Variants in RABGAP1L observed in about 807,000 individuals in gnomAD.
The protein encoded by RABGAP1L is rab GTPase-activating protein 1-like.
Under a neutral mutation model 137.7 loss-of-function variants are expected in RABGAP1L, and 63 were observed. The ratio of observed to expected loss-of-function variants is 0.46; its 90% CI spans 0.37 to 0.56. The LOEUF is 0.56. Ranked by LOEUF, RABGAP1L falls within the 20% of genes least tolerant of loss-of-function variation. RABGAP1L has a pLI of 0.00. For synonymous variants in RABGAP1L, 431 were observed against 433.7 expected (o/e 0.99, Z 0.08); for missense variants, 1,095 against 1,244.0 (o/e 0.88, Z 1.80).
Position 174,448,255 on chromosome 1 carries a change from G to A in RABGAP1L, c.1710+54110G>A. 6.2e-7 allele frequency: 1 copy of A among 1,614,032 alleles called. No individual in the cohort carries two copies. Among genetic ancestry groups the A allele is most frequent in the Non-Finnish European group, 8.5e-7 (1 of 1,179,926 alleles). ...GCATCTTCGAGACAGTGGTTATTGT[G>A]TTGCTGACATTTCTGATCATTGCTG... On this transcript the variant is annotated intron_variant, in intron 13 of 25. Transcript: ENST00000681986. The surrounding 1 kb of genome is among the most constrained non-coding windows in gnomAD (Gnocchi z 4.2).
Position 174,195,675 on chromosome 1 carries a change from T to C in RABGAP1L, c.-33-23450T>C, listed in dbSNP as rs1468540596. ...TTCCTTTCCTTTCCTTTCCTTTCCTTCTTTCCTTCTTTCCTTCTTTCCTTC... is the reference window on the plus strand; with the variant it reads ...TTCCTTTCCTTTCCTTTCCTTTCCTCCTTTCCTTCTTTCCTTCTTTCCTTC... On this transcript the variant is annotated intron_variant, in intron 1 of 25. Transcript: ENST00000681986. Among the ~76,000 whole-genome samples, 3 of 77,286 alleles carry C rather than the reference T, an allele frequency of 3.9e-5. No individual in the cohort carries two copies. In the East Asian group the frequency reaches 1.3e-3, roughly 34 times the overall value. The allele number at this position is 77,286 out of a possible 152,430, so 50.7% of individuals were successfully genotyped here. A position where few individuals can be genotyped will look rare whatever the true frequency, so the allele number is the denominator to read the frequency against.
intron 13 of RABGAP1L, among the ~76,000 whole-genome samples, chr1:174,622,857 A>T (rs961964632): frequency 3.3e-5 from 5 of 152,200 alleles, no homozygotes; most frequent in Admixed American, 6.5e-5. Flanking sequence ...AGTATATTTT[A>T]AAAAATACCG....
At chr1:174,350,949 G>A (rs1185351389) in intron 11 of RABGAP1L, among the ~76,000 whole-genome samples, 5 of 109,482 alleles carry the variant, frequency 4.6e-5, no homozygotes, top group African/African-American at 6.8e-5. Context: ...GCGTGGCGGC[G>A]CGTGCCTGCA....
chr1:174,838,185 T>C (rs1447230806), intron 19 of RABGAP1L, among the ~76,000 whole-genome samples: 4 of 152,238 alleles, frequency 2.6e-5, no homozygotes, highest in South Asian at 2.1e-4. Context: ...TGAGCATATC[T>C]GTTTCACAAG....
chr1:174,786,455 C>CA (rs1687453991), intron 18 of RABGAP1L, among the ~76,000 whole-genome samples: 1 of 152,088 alleles, frequency 6.6e-6, no homozygotes, highest in South Asian at 2.1e-4. Flanking sequence ...CAGTAAAATC[C>CA]AAACGGAAGC....
chr1:174,550,906 A>AC (rs1491481717), intron 13 of RABGAP1L, among the ~76,000 whole-genome samples: 9 of 47,390 alleles, frequency 1.9e-4, no homozygotes, highest in African/African-American at 1.2e-3. Context: ...ACACACACAC[A>AC]TATACACACA....
intron 13 of RABGAP1L, among the ~76,000 whole-genome samples, chr1:174,534,802 A>AAAAAAAAAAAATAATAAT: frequency 7.3e-6 from 1 of 137,312 alleles, no homozygotes; most frequent in Non-Finnish European, 1.6e-5. Flanking sequence ...AAAAAAAAAA[A>AAAAAAAAAAAATAATAAT]AATAATTAGA....
At position 174,550,857 on chromosome 1, in the gene RABGAP1L, A is replaced by AATATATATATAT. The variant is rs1216100934; in HGVS notation, c.1711-86490_1711-86479dup. Among the ~76,000 whole-genome samples, 387 of 61,750 alleles carry AATATATATATAT rather than the reference A, an allele frequency of 6.3e-3. 5 individuals carry two copies. Among genetic ancestry groups the AATATATATATAT allele is most frequent in the Non-Finnish European group, 8.3e-3 (306 of 36,990 alleles). The allele number at this position is 61,750 out of a possible 152,430, so 40.5% of individuals were successfully genotyped here. ...ACACGGTGAAACCCCGTCTCTGCTA[A>AATATATATATAT]ATATATATATATATATATATATATA... On this transcript the variant is annotated intron_variant, in intron 13 of 25. Transcript: ENST00000681986.
At chr1:174,743,691 TA>T (rs1275253397) in intron 17 of RABGAP1L, among the ~76,000 whole-genome samples, 2 of 151,900 alleles carry the variant, frequency 1.3e-5, no homozygotes, top group African/African-American at 2.4e-5. Flanking sequence ...TATGTTTTTT[TA>T]AAAAAAATTC....
chr1:174,816,310 G>A lies in RABGAP1L; in HGVS notation c.2340+4350G>A, dbSNP rs1012842698. On this transcript the variant is annotated intron_variant, in intron 19 of 25. Coordinates refer to ENST00000681986, the MANE Select transcript of RABGAP1L (RefSeq NM_001366446.1). ...TGGGATTATAGGCATGCACCACCAC[G>A]CCCAGATAATGTTCTATTTTTAGTA... Among the ~76,000 whole-genome samples the A allele has an allele frequency of 4.6e-5, 7 of 151,722 alleles. No individual in the cohort carries two copies. In the South Asian group the frequency reaches 1.0e-3, roughly 23 times the overall value.
intron 19 of RABGAP1L, among the ~76,000 whole-genome samples, chr1:174,955,894 C>T (rs1668445263): frequency 6.6e-6 from 1 of 151,942 alleles, no homozygotes; most frequent in Non-Finnish European, 1.5e-5. Context: ...CCAGCCTAGG[C>T]AACATAGCCA....
chr1:174,231,444 C>T (rs1211569375), intron 4 of RABGAP1L, 89 bp downstream of exon 4: 5 of 1,193,522 alleles, frequency 4.2e-6, no homozygotes, highest in Non-Finnish European at 6.2e-6. Context: ...GTAGAACTTA[C>T]TGTGAACTCA....
At chr1:174,314,097 T>A (rs1679133343) in intron 11 of RABGAP1L, among the ~76,000 whole-genome samples, 1 of 152,212 alleles carries the variant, frequency 6.6e-6, no homozygotes, top group African/African-American at 2.4e-5. Context: ...GTGTTAGTTC[T>A]TTAAATGTTT....
intron 4 of RABGAP1L, among the ~76,000 whole-genome samples, chr1:174,233,560 C>G (rs1324537231): frequency 7.0e-6 from 1 of 143,662 alleles, no homozygotes; most frequent in East Asian, 1.9e-4. Flanking sequence ...ATGATGATTT[C>G]CAATTTCATC....
chr1:174,713,606 C>T (rs1680763558), intron 17 of RABGAP1L, among the ~76,000 whole-genome samples: 1 of 152,162 alleles, frequency 6.6e-6, no homozygotes, highest in South Asian at 2.1e-4. Flanking sequence ...GCTGGCTCGC[C>T]CTTGTCCTTC....
chr1:174,787,846 G>A (rs1358659603), intron 18 of RABGAP1L, among the ~76,000 whole-genome samples: 1 of 152,194 alleles, frequency 6.6e-6, no homozygotes, highest in African/African-American at 2.4e-5. Flanking sequence ...GCAACAATAG[G>A]GGTGTAGAGG....
chr1:174,920,648 G>A (rs1661640269), intron 19 of RABGAP1L, among the ~76,000 whole-genome samples: 1 of 152,082 alleles, frequency 6.6e-6, no homozygotes, highest in African/African-American at 2.4e-5. Context: ...TTAGAGGTAG[G>A]GTCTTTAAAG....
chr1:174,333,722 T>G (rs951619136), intron 11 of RABGAP1L, among the ~76,000 whole-genome samples: 2 of 152,226 alleles, frequency 1.3e-5, no homozygotes, highest in African/African-American at 2.4e-5. Context: ...ATCATGGTAG[T>G]TTTTATTAGG....
chr1:174,837,301 G>A (rs982887026), intron 19 of RABGAP1L, among the ~76,000 whole-genome samples: 1 of 152,032 alleles, frequency 6.6e-6, no homozygotes, highest in Non-Finnish European at 1.5e-5. Context: ...ATGTCTATAA[G>A]ATATAGGTCA....
Sources: gnomAD v4.1 joint callset for allele counts (sites outside exome capture counted in the v4.1 genomes callset) on GRCh38, gnomAD v4.1.1 for gene constraint, Gnocchi (gnomAD v3.1) non-coding constraint, MANE v1.5 for transcripts, NCBI Gene and HGNC (gene_info 2026-07-23, HGNC 2026-07-21) for gene names.